Variants in LIPA observed in about 807,000 individuals in gnomAD.
LIPA encodes lipase A, lysosomal acid type, also known as lysosomal acid lipase/cholesteryl ester hydrolase.
A neutral mutation model predicts 40.6 loss-of-function variants in LIPA; 26 were observed. That is an observed-to-expected ratio of 0.64 (90% CI 0.47 to 0.89). The LOEUF is 0.89. Among genes scored for constraint, LIPA ranks in the 40% least tolerant of loss-of-function variants. The pLI is 0.00. For missense variants in LIPA, 455 were observed against 479.6 expected (o/e 0.95, Z 0.48); for synonymous variants, 188 against 168.4 (o/e 1.12, Z -0.90).
chr10:89,384,085 G>A (rs770613588), intron 2 of LIPA: 1 of 1,614,156 alleles, frequency 6.2e-7, no homozygotes, highest in Non-Finnish European at 8.5e-7. Context: ...TCAATATGCA[G>A]CCAAGTTTTA....
intron 2 of LIPA, among the ~76,000 whole-genome samples, chr10:89,395,494 C>G (rs746903737): frequency 6.6e-6 from 1 of 152,120 alleles, no homozygotes; most frequent in South Asian, 2.1e-4. Context: ...TTTCAATTGC[C>G]TCCTTTGTAT....
At chr10:89,261,568 T>C (rs1422368500) in intron 1 of LIPA, among the ~76,000 whole-genome samples, 2 of 152,160 alleles carry the variant, frequency 1.3e-5, no homozygotes, top group African/African-American at 4.8e-5. Context: ...CATAAAAATA[T>C]ATAATCCTGG....
chr10:89,274,966 A>G (rs572178364), intron 1 of LIPA, among the ~76,000 whole-genome samples: 58 of 152,356 alleles, frequency 3.8e-4, no homozygotes, highest in Non-Finnish European at 1.3e-4. Flanking sequence ...ATGAAAAGGC[A>G]TTCTATCTTA....
At chr10:89,345,967 A>T (rs1843917585), upstream of LIPA, among the ~76,000 whole-genome samples, 1 of 152,210 alleles carries the variant, frequency 6.6e-6, no homozygotes, top group South Asian at 2.1e-4. Context: ...AGATCACCCA[A>T]GCAGATGTCA....
At chr10:89,320,454 A>G (rs1299708409) in intron 1 of LIPA, among the ~76,000 whole-genome samples, 2 of 152,186 alleles carry the variant, frequency 1.3e-5, no homozygotes, top group African/African-American at 4.8e-5. Flanking sequence ...ATCATGAGTG[A>G]ACTCCCATTC....
chr10:89,357,609 A>G (rs638631), intron 2 of LIPA, among the ~76,000 whole-genome samples: 2,024 of 152,354 alleles, frequency 0.013, 20 homozygotes, highest in South Asian at 0.026. Context: ...GAATGAAAAC[A>G]TCACAAGCGA....
At chr10:89,338,526 A>G in intron 1 of LIPA, 1 of 805,610 alleles carries the variant, frequency 1.2e-6, no homozygotes, top group Non-Finnish European at 2.0e-6. Context: ...AACCTCACAT[A>G]CATACCCAGA....
At chr10:89,339,016 A>G in intron 1 of LIPA, 1 of 1,614,190 alleles carries the variant, frequency 6.2e-7, no homozygotes, top group Non-Finnish European at 8.5e-7. Context: ...AGATAAGGTG[A>G]AACAAACCTG....
intron 3 of LIPA, among the ~76,000 whole-genome samples, chr10:89,232,636 A>G (rs1010779594): frequency 1.3e-5 from 2 of 152,188 alleles, no homozygotes; most frequent in Non-Finnish European, 2.9e-5. Context: ...GAGGAGAAGG[A>G]GGGTGATATG....
chr10:89,270,266 G>A (rs1436310755), intron 1 of LIPA, among the ~76,000 whole-genome samples: 3 of 152,144 alleles, frequency 2.0e-5, no homozygotes, highest in Non-Finnish European at 4.4e-5. Flanking sequence ...TCCCATTTTA[G>A]GGATATGTAA....
chr10:89,269,072 C>A (rs1307791724), intron 1 of LIPA, among the ~76,000 whole-genome samples: 1 of 151,960 alleles, frequency 6.6e-6, no homozygotes, highest in East Asian at 1.9e-4. Context: ...CACCTCTAAT[C>A]CCAGCACTTT....
intron 2 of LIPA, among the ~76,000 whole-genome samples, chr10:89,381,892 T>C (rs965653662): frequency 5.3e-5 from 8 of 152,132 alleles, no homozygotes; most frequent in African/African-American, 1.7e-4. Flanking sequence ...CTCAAGTGAT[T>C]CTTGTGCCTC....
intron 1 of LIPA, among the ~76,000 whole-genome samples, chr10:89,315,238 A>G (rs1216171617): frequency 1.3e-5 from 2 of 152,240 alleles, no homozygotes; most frequent in Non-Finnish European, 2.9e-5. Flanking sequence ...ACCATTTATG[A>G]TATCACAAAT....
intron 3 of LIPA, among the ~76,000 whole-genome samples, chr10:89,229,688 G>A (rs1842816552): frequency 6.6e-6 from 1 of 151,708 alleles, no homozygotes; most frequent in Non-Finnish European, 1.5e-5. Flanking sequence ...GGGAGGCAGA[G>A]GTTGCAGTGA....
chr10:89,252,770 C>A (rs1843146590), upstream of LIPA, among the ~76,000 whole-genome samples: 1 of 141,124 alleles, frequency 7.1e-6, no homozygotes, highest in Admixed American at 7.4e-5. Context: ...CATGCCACTG[C>A]ACTCCAGCAT....
chr10:89,381,911 G>C (rs529502994), intron 2 of LIPA, among the ~76,000 whole-genome samples: 2 of 152,130 alleles, frequency 1.3e-5, no homozygotes, highest in South Asian at 4.2e-4. Flanking sequence ...TCAGCCTCCA[G>C]AGTAGCTGGG....
intron 1 of LIPA, chr10:89,328,204 C>A (rs1843617685): frequency 1.0e-6 from 1 of 979,544 alleles, no homozygotes; most frequent in Non-Finnish European, 1.6e-6. Flanking sequence ...CTTTATCAGT[C>A]TGAGCATTTG....
intron 1 of LIPA, among the ~76,000 whole-genome samples, chr10:89,324,025 T>C (rs1245337608): frequency 6.6e-6 from 1 of 152,192 alleles, no homozygotes; most frequent in Non-Finnish European, 1.5e-5. Flanking sequence ...CTTTGAACTA[T>C]ACTATAAGGC....
At chr10:89,358,163 A>C (rs1397524217) in intron 2 of LIPA, among the ~76,000 whole-genome samples, 1 of 152,194 alleles carries the variant, frequency 6.6e-6, no homozygotes, top group African/African-American at 2.4e-5. Context: ...TGTGGTGAGA[A>C]GATAATCTGG....
Sources: gnomAD v4.1 joint callset for allele counts (sites outside exome capture counted in the v4.1 genomes callset) on GRCh38, gnomAD v4.1.1 for gene constraint, MANE v1.5 for transcripts, NCBI Gene and HGNC (gene_info 2026-07-23, HGNC 2026-07-21) for gene names.